MEGF6: variants seen among roughly 807,000 people sequenced by gnomAD.
MEGF6 encodes the protein multiple epidermal growth factor-like domains protein 6.
A neutral mutation model predicts 207.1 loss-of-function variants in MEGF6; 184 were observed. The observed-to-expected ratio is 0.89, with a 90% CI of 0.79 to 1.00. MEGF6 has a LOEUF of 1.00. Ranked by LOEUF, MEGF6 falls within the 50% of genes least tolerant of loss-of-function variation. The pLI is 0.00. For synonymous variants in MEGF6, 1,038 were observed against 910.0 expected (o/e 1.14, Z -2.53); for missense variants, 2,282 against 2,202.9 (o/e 1.04, Z -0.72).
intron 1 of MEGF6, among the ~76,000 whole-genome samples, chr1:3,609,899 G>A (rs563574787): frequency 7.2e-5 from 11 of 152,336 alleles, no homozygotes; most frequent in East Asian, 3.9e-4. Context: ...ATCCACCTCC[G>A]CCAAGCAGCA....
At position 3,494,439 on chromosome 1, in the gene MEGF6, C is replaced by T. The variant is rs1640512670; in HGVS notation, c.4061G>A (p.Ser1354Asn). 1.9e-6 allele frequency: 3 copies of T among 1,567,094 alleles called. No homozygotes were observed. The highest frequency in any genetic ancestry group is 2.6e-6 in the Non-Finnish European group (3 of 1,161,488). ...CHLECSCHNN[S>N]TCEPATGTCR... ...GGTGCCCGTGGCAGGCTCACACGTG[C>T]TGTTGTTGTGGCAGGAGCACTCCAG... Residue 1354 changes from serine to asparagine, a missense_variant, in exon 32 of 37, where the codon AGC becomes AAC. By Grantham distance (46) the Ser-to-Asn change is conservative. Transcript: ENST00000356575.
intron 14 of MEGF6, among the ~76,000 whole-genome samples, chr1:3,507,589 A>C (rs1641162756): frequency 6.6e-6 from 1 of 152,178 alleles, no homozygotes; most frequent in African/African-American, 2.4e-5. Context: ...TACCCCTCTC[A>C]TTCAAGGGCC....
chr1:3,609,157 C>G (rs1430349712), intron 1 of MEGF6, among the ~76,000 whole-genome samples: 1 of 152,196 alleles, frequency 6.6e-6, no homozygotes, highest in Non-Finnish European at 1.5e-5. Context: ...TGAGCACTCT[C>G]TGGGATCTGG....
chr1:3,490,766 G>T, intron 36 of MEGF6, 146 bp downstream of exon 36: 2 of 1,255,604 alleles, frequency 1.6e-6, no homozygotes, highest in Non-Finnish European at 2.3e-6. Flanking sequence ...CCCCAGCCTT[G>T]GTCTCTGAGC....
chr1:3,493,621 GC>G (rs371844657), intron 34 of MEGF6, 149 bp downstream of exon 34: 12 of 1,123,544 alleles, frequency 1.1e-5, no homozygotes, highest in African/African-American at 1.6e-5. Flanking sequence ...GCTGACTCCA[GC>G]CCCCCCAGGG....
intron 4 of MEGF6, among the ~76,000 whole-genome samples, chr1:3,531,793 G>A (rs1642184146): frequency 6.6e-6 from 1 of 151,762 alleles, no homozygotes; most frequent in Non-Finnish European, 1.5e-5. Flanking sequence ...AGCAAAGGGA[G>A]CCGTCCTGGC....
intron 9 of MEGF6, among the ~76,000 whole-genome samples, chr1:3,511,221 T>A (rs577397795): frequency 6.6e-6 from 1 of 152,196 alleles, no homozygotes; most frequent in African/African-American, 2.4e-5. Context: ...GGACTCCATC[T>A]GGGAGTCAGG....
chr1:3,616,180 C>CAT (rs1644377234), upstream of MEGF6, among the ~76,000 whole-genome samples: 10 of 152,202 alleles, frequency 6.6e-5, no homozygotes, highest in Non-Finnish European at 1.5e-4. Flanking sequence ...TCCTTCCCTG[C>CAT]AGCCTGACTT....
At chr1:3,592,291 G>A (rs1467711784) in intron 3 of MEGF6, among the ~76,000 whole-genome samples, 1 of 152,164 alleles carries the variant, frequency 6.6e-6, no homozygotes, top group Non-Finnish European at 1.5e-5. Context: ...CGTGGTGTGG[G>A]GAGGTCCAAA....
chr1:3,524,041 T>C (rs1472026849), intron 5 of MEGF6, 83 bp downstream of exon 5: 28 of 1,487,058 alleles, frequency 1.9e-5, no homozygotes, highest in Non-Finnish European at 2.4e-5. Flanking sequence ...ACAGCCACCC[T>C]CTCAGGCCAG....
intron 2 of MEGF6, among the ~76,000 whole-genome samples, chr1:3,597,690 C>T (rs563711235): frequency 3.1e-4 from 47 of 152,304 alleles, no homozygotes; most frequent in African/African-American, 1.1e-3. Context: ...AGCCAAGGCA[C>T]TCCCAGACAG....
rs570834381 is a variant in MEGF6, at chr1:3,497,201, G to A, written c.3481+32C>T. The A allele has an allele frequency of 3.8e-5, 58 of 1,529,796 alleles. 1 individual carries two copies. Among genetic ancestry groups the A allele is most frequent in the South Asian group, 2.0e-4 (16 of 79,228 alleles). The allele number at this position is 1,529,796 out of a possible 1,614,324, so 94.8% of individuals were successfully genotyped here. On this transcript the variant is annotated intron_variant, in intron 27 of 36. Coordinates refer to ENST00000356575, the MANE Select transcript of MEGF6 (RefSeq NM_001409.4). Reference sequence around the variant, plus strand: ...CTCTCTGGATTCCCCCTGCCCAGCCGCTCCTCGGGGTGGGGGCTTGGGAGC... The same window carrying A: ...CTCTCTGGATTCCCCCTGCCCAGCCACTCCTCGGGGTGGGGGCTTGGGAGC...
At chr1:3,530,956 C>T (rs1021052166) in intron 4 of MEGF6, 7 of 1,295,724 alleles carry the variant, frequency 5.4e-6, no homozygotes, top group African/African-American at 1.6e-5. Context: ...GGCACTGCCC[C>T]GCCCTGCTCC....
At chr1:3,537,255 C>T (rs569495653) in intron 4 of MEGF6, among the ~76,000 whole-genome samples, 1 of 152,230 alleles carries the variant, frequency 6.6e-6, no homozygotes, top group Non-Finnish European at 1.5e-5. Flanking sequence ...TAGCCAGGCC[C>T]CTGGGGATGG....
At chr1:3,491,030 C>T (rs1569911971) in intron 35 of MEGF6, 71 bp from the exon 36 acceptor site, 7 of 1,404,086 alleles carry the variant, frequency 5.0e-6, no homozygotes, top group African/African-American at 4.3e-5. Flanking sequence ...GGCAGCAAGG[C>T]GTGACCCCAT....
rs780677032 is a variant in MEGF6 at position 3,512,112 on chromosome 1, G to A, written c.870C>T (p.Ala290=). The change falls in exon 8 of 37, where the codon GCC becomes GCT. Residue 290 remains alanine (A), a synonymous_variant. Transcript: ENST00000356575. ...GKACEDVDEC[A]AGLAQCAHGC... Reference sequence around the variant, plus strand: ...CATGGGCACACTGGGCCAGCCCTGCGGCACATTCGTCCACATCTGGAGGGG... The same window carrying A: ...CATGGGCACACTGGGCCAGCCCTGCAGCACATTCGTCCACATCTGGAGGGG... 43 of 1,608,584 alleles carry A rather than the reference G, an allele frequency of 2.7e-5. No individual in the cohort carries two copies. The highest frequency in any genetic ancestry group is 9.3e-5 in the African/African-American group (7 of 74,874).
Position 3,501,905 on chromosome 1 carries a change from C to A in MEGF6, c.2205G>T (p.Thr735=). 1.3e-6 allele frequency: 2 copies of A among 1,597,806 alleles called. No individual in the cohort carries two copies. The highest frequency in any genetic ancestry group is 2.3e-5 in the East Asian group (1 of 42,752). Residue 735 remains threonine, a synonymous_variant, in exon 18 of 37, where the codon ACG becomes ACT. Transcript: ENST00000356575. The part of the protein sequence containing the change: ...EDCGQECPVG[T]FGVNCSSSCS... ...AGGAGCTCGAGCAGTTCACGCCAAA[C>A]GTCCCCACCGGGCACTCTGCAGGAG...
At chr1:3,531,033 G>T in intron 4 of MEGF6, 2 of 1,440,098 alleles carry the variant, frequency 1.4e-6, no homozygotes, top group Non-Finnish European at 1.8e-6. Flanking sequence ...GCGCGCCGGG[G>T]AGCGCCCTGG....
At chr1:3,601,210 C>G (rs1177234666) in intron 2 of MEGF6, among the ~76,000 whole-genome samples, 1 of 152,252 alleles carries the variant, frequency 6.6e-6, no homozygotes, top group Non-Finnish European at 1.5e-5. Context: ...CACCAGCACT[C>G]TCTCCAGCCC....
Sources: allele counts gnomAD v4.1 joint callset (sites outside exome capture counted in the v4.1 genomes callset), GRCh38; gene constraint gnomAD v4.1.1; transcripts MANE v1.5; gene names NCBI Gene and HGNC (gene_info 2026-07-23, HGNC 2026-07-21).